The following BAK1 variants were observed in gnomAD, a reference collection of about 807,000 sequenced individuals.
BAK1 encodes the protein bcl-2 homologous antagonist/killer.
BAK1 carries 19 observed loss-of-function variants against 24.7 expected under a neutral mutation model. The observed-to-expected ratio is 0.77, with a 90% CI of 0.54 to 1.13. The LOEUF is 1.13. BAK1 is among the 50% of genes most tolerant of loss of function. The pLI, the probability that BAK1 is intolerant of heterozygous loss-of-function variation, is 0.00. For synonymous variants in BAK1, 86 were observed against 107.3 expected, an observed-to-expected ratio of 0.80 and a Z score of 1.23; for missense variants, 194 against 279.4, an observed-to-expected ratio of 0.69 and a Z score of 2.18.
intron 5 of BAK1, 35 bp from the exon 6 acceptor site, chr6:33,573,942 A>G (rs513349): frequency 0.44 from 708,309 of 1,613,490 alleles, 166,392 homozygotes; most frequent in South Asian, 0.73. Context: ...CAGAGAGGCT[A>G]GCAGAAGATA....
rs1762879504 is a variant in BAK1 at position 33,578,328 on chromosome 6, G to A, written c.-31-693C>T. Among the ~76,000 whole-genome samples the A allele has an allele frequency of 6.6e-6, 1 of 152,204 alleles. No homozygotes were observed. Among genetic ancestry groups the A allele is most frequent in the South Asian group, 2.1e-4 (1 of 4,830 alleles). On this transcript the variant is annotated intron_variant, in intron 1 of 5. Transcript: ENST00000374467. The surrounding 1 kb of genome is among the most constrained non-coding windows in gnomAD (Gnocchi z 4.8). ...TGGAAACTCACATGAACCCAGCAGG[G>A]TGAGCGCCATCATACCCACTTTACA...
chr6:33,574,639 T>G, intron 4 of BAK1: 9 of 877,708 alleles, frequency 1.0e-5, no homozygotes, highest in Non-Finnish European at 1.5e-5. Context: ...ATTTCAGCTC[T>G]GAGCACTAAT....
At position 33,578,456 on chromosome 6, in the gene BAK1, C is replaced by G. The variant is rs544216832; in HGVS notation, c.-31-821G>C. 1.3e-5 allele frequency among the ~76,000 whole-genome samples: 2 copies of G among 152,210 alleles called. No individual in the cohort carries two copies. The highest frequency in any genetic ancestry group is 2.9e-5 in the Non-Finnish European group (2 of 68,030). ...AATCTCCGTGAGTCCATGTACTCAACACGCATGCAAGATTTCTTTTCCAGT... is the reference window on the plus strand; with the variant it reads ...AATCTCCGTGAGTCCATGTACTCAAGACGCATGCAAGATTTCTTTTCCAGT... On this transcript the variant is annotated intron_variant, in intron 1 of 5. Transcript: ENST00000374467. This position sits in a 1 kb window ranked among gnomAD's most constrained non-coding sequence, Gnocchi z 4.8.
rs1762805110 is a variant in BAK1, at chr6:33,574,130, A to G, written c.435T>C (p.His145=). The G allele has an allele frequency of 6.2e-7, 1 of 1,614,082 alleles. No individual in the cohort carries two copies. The highest frequency in any genetic ancestry group is 8.5e-7 in the Non-Finnish European group (1 of 1,180,030). ...GYRLALHVYQ[H]GLTGFLGQVT... is the part of the protein sequence containing the mutation. ...CCTGGCCTAGGAAGCCAGTCAGGCC[A>G]TGCTGGTAGACGTGTAGGGCCAGAC... is the stretch of plus-strand genomic sequence containing the variant. The change falls in exon 5 of 6, where the codon CAT becomes CAC. Residue 145 remains histidine (H), a synonymous_variant. Transcript: ENST00000374467.
Position 33,577,447 on chromosome 6 carries a change from C to T in BAK1, c.70+88G>A, listed in dbSNP as rs1025527494. On this transcript the variant is annotated intron_variant, in intron 2 of 5. Transcript: ENST00000374467. This position sits in a 1 kb window ranked among gnomAD's most constrained non-coding sequence, Gnocchi z 4.6. Reference sequence around the variant, plus strand: ...CCCACCCACAGTGGGTGAACCGAGGCGAAGGAGCCTGCCTGAGTCCTGCTC... The same window carrying T: ...CCCACCCACAGTGGGTGAACCGAGGTGAAGGAGCCTGCCTGAGTCCTGCTC... 21 of 1,279,330 alleles carry T rather than the reference C, an allele frequency of 1.6e-5. No homozygotes were observed. The African/African-American group carries it at 2.0e-4, about 12-fold the overall frequency. 79.2% of individuals were successfully genotyped at this position (1,279,330 alleles called of 1,614,324 possible).
At position 33,578,621 on chromosome 6, in the gene BAK1, C is replaced by T. The variant is rs762539567; in HGVS notation, c.-31-986G>A. On this transcript the variant is annotated intron_variant, in intron 1 of 5. Coordinates refer to ENST00000374467, the MANE Select transcript of BAK1 (RefSeq NM_001188.4). The surrounding 1 kb of genome is among the most constrained non-coding windows in gnomAD (Gnocchi z 4.8). ...TTCTTTGAAGCCCCATAACCTGCCT[C>T]GTACTCCCACCACACACCTGGTCTT... Among the ~76,000 whole-genome samples the T allele has an allele frequency of 3.9e-5, 6 of 152,178 alleles. No homozygotes were observed. Among genetic ancestry groups the T allele is most frequent in the Non-Finnish European group, 8.8e-5 (6 of 68,042 alleles).
rs946299986 is a variant in BAK1, at chr6:33,578,835, G to T, written c.-32+1190C>A. Among the ~76,000 whole-genome samples, 1 of 152,156 alleles carries T rather than the reference G, an allele frequency of 6.6e-6. No homozygotes were observed. The highest frequency in any genetic ancestry group is 2.4e-5 in the African/African-American group (1 of 41,432). On this transcript the variant is annotated intron_variant, in intron 1 of 5. Transcript: ENST00000374467. This position sits in a 1 kb window ranked among gnomAD's most constrained non-coding sequence, Gnocchi z 4.8. The stretch of plus-strand genomic sequence containing the variant: ...GAGAGCGCCCTCCTCCTATCCCAGA[G>T]GGAGGGGGTGTGCAGCCCCACCCTG...
chr6:33,576,765 T>C (rs563105345), intron 2 of BAK1, among the ~76,000 whole-genome samples: 11 of 151,754 alleles, frequency 7.2e-5, no homozygotes, highest in South Asian at 2.1e-4. Context: ...GGCACTTGCA[T>C]TGAGTCCTCA....
In BAK1 at chr6:33,574,331, G is replaced by A. The variant is rs1582064965; in HGVS notation, c.351-117C>T. On this transcript the variant is annotated intron_variant, in intron 4 of 5. Transcript: ENST00000374467. ...CTAAATAGCTTAGCTGTGAATTAAG[G>A]CCGCAGAGGCTGCCCCAACCTGGCC... is the stretch of plus-strand genomic sequence containing the variant. 2.1e-6 allele frequency: 3 copies of A among 1,450,564 alleles called. No homozygotes were observed. The Admixed American group carries it at 6.1e-5, about 30-fold the overall frequency. The allele number at this position is 1,450,564 out of a possible 1,614,324, so 89.9% of individuals were successfully genotyped here.
At chr6:33,574,456 CAGAG>C in intron 4 of BAK1, 1 of 1,498,302 alleles carries the variant, frequency 6.7e-7, no homozygotes, top group Non-Finnish European at 8.9e-7. Context: ...CAACGGGGCA[CAGAG>C]AGGGCAGAGG....
intron 2 of BAK1, among the ~76,000 whole-genome samples, chr6:33,576,727 G>A (rs529629576): frequency 2.6e-5 from 4 of 151,414 alleles, no homozygotes; most frequent in Admixed American, 2.0e-4. Flanking sequence ...GCCGCCCCTA[G>A]AGCTTATGCT....
At chr6:33,574,805 G>T (rs1351406087) in intron 4 of BAK1, among the ~76,000 whole-genome samples, 1 of 152,202 alleles carries the variant, frequency 6.6e-6, no homozygotes, top group Admixed American at 6.5e-5. Flanking sequence ...GAGACTAAGG[G>T]CTAGGAAGCT....
At position 33,575,989 on chromosome 6, in the gene BAK1, T is replaced by C. The variant is rs1027751269; in HGVS notation, c.71-61A>G. 9.3e-6 allele frequency: 15 copies of C among 1,604,736 alleles called. No homozygotes were observed. Among genetic ancestry groups the C allele is most frequent in the Admixed American group, 1.7e-5 (1 of 59,206 alleles). On this transcript the variant is annotated intron_variant, in intron 2 of 5. Coordinates refer to ENST00000374467, the MANE Select transcript of BAK1 (RefSeq NM_001188.4). The surrounding 1 kb of genome is among the most constrained non-coding windows in gnomAD (Gnocchi z 6.3). ...CGAACCCTGGCAGCCCCATGCCTTA[T>C]AGGGGATTCACTCTTCCTAAGGCCA...
chr6:33,575,138 G>GAA lies in BAK1; in HGVS notation c.350+158_350+159dup, dbSNP rs1450927630. The GAA allele has an allele frequency of 8.8e-7, 1 of 1,138,436 alleles. No homozygotes were observed. The highest frequency in any genetic ancestry group is 2.0e-5 in the Admixed American group (1 of 50,630). The allele number at this position is 1,138,436 out of a possible 1,614,324, so 70.5% of individuals were successfully genotyped here. A position where few individuals can be genotyped will look rare whatever the true frequency, so the allele number is the denominator to read the frequency against. On this transcript the variant is annotated intron_variant, in intron 4 of 5. Coordinates refer to ENST00000374467, the MANE Select transcript of BAK1 (RefSeq NM_001188.4). The surrounding 1 kb of genome is among the most constrained non-coding windows in gnomAD (Gnocchi z 6.3). The stretch of plus-strand genomic sequence containing the variant: ...AATACAAGTCTGGGACCCCGAAAGA[G>GAA]AAAAATAGGGGGCCGAGACCACATG...
At position 33,575,583 on chromosome 6, in the gene BAK1, T is replaced by C. The variant is rs971120269; in HGVS notation, c.207-142A>G. The C allele has an allele frequency of 5.2e-5, 69 of 1,318,194 alleles. 1 individual carries two copies. The highest frequency in any genetic ancestry group is 4.1e-5 in the Admixed American group (2 of 49,194). 81.7% of individuals were successfully genotyped at this position (1,318,194 alleles called of 1,614,324 possible). A position where few individuals can be genotyped will look rare whatever the true frequency, so the allele number is the denominator to read the frequency against. ...AGGTCCCTGACAGTGTTCTAAGACA[T>C]GAGTGCTGGGCTCCAGGAGAAGGGG... On this transcript the variant is annotated intron_variant, in intron 3 of 5. Coordinates refer to ENST00000374467, the MANE Select transcript of BAK1 (RefSeq NM_001188.4). This position sits in a 1 kb window ranked among gnomAD's most constrained non-coding sequence, Gnocchi z 6.3.
Position 33,577,470 on chromosome 6 carries a change from C to A in BAK1, c.70+65G>T. The A allele has an allele frequency of 7.0e-7, 1 of 1,431,756 alleles. No individual in the cohort carries two copies. 88.7% of individuals were successfully genotyped at this position (1,431,756 alleles called of 1,614,324 possible). Reference sequence around the variant, plus strand: ...GGCGAAGGAGCCTGCCTGAGTCCTGCTCCTTCCATCCTCACGACAGCACTC... The same window carrying A: ...GGCGAAGGAGCCTGCCTGAGTCCTGATCCTTCCATCCTCACGACAGCACTC... On this transcript the variant is annotated intron_variant, in intron 2 of 5. Coordinates refer to ENST00000374467, the MANE Select transcript of BAK1 (RefSeq NM_001188.4). The surrounding 1 kb of genome is among the most constrained non-coding windows in gnomAD (Gnocchi z 4.6).
At chr6:33,574,255 A>G (rs369663629) in intron 4 of BAK1, 41 bp from the exon 5 acceptor site, 10 of 1,596,060 alleles carry the variant, frequency 6.3e-6, no homozygotes, top group Non-Finnish European at 8.6e-6. Context: ...GAGAGCCCCC[A>G]GGAAGCCCTT....
At chr6:33,579,549 C>A (rs5745575) in intron 1 of BAK1, among the ~76,000 whole-genome samples, 140 of 152,280 alleles carry the variant, frequency 9.2e-4, no homozygotes, top group Admixed American at 1.3e-3. Context: ...CCACCAAGGC[C>A]AGCAACCTAT....
Position 33,572,579 on chromosome 6 carries a change from A to G in BAK1, c.*1224T>C, listed in dbSNP as rs1343539109. 1 of 152,382 alleles carries G rather than the reference A, an allele frequency of 6.6e-6. No homozygotes were observed. The highest frequency in any genetic ancestry group is 1.5e-5 in the Non-Finnish European group (1 of 68,004). The allele number at this position is 152,382 out of a possible 1,614,324, so 9.4% of individuals were successfully genotyped here. ...AGGGGATTGCACAGTTTATTTCCAAACACTCAGAGGATAGGGGGTGGCCTA... is the reference window on the plus strand; with the variant it reads ...AGGGGATTGCACAGTTTATTTCCAAGCACTCAGAGGATAGGGGGTGGCCTA... On this transcript the variant is annotated 3_prime_UTR_variant, in exon 6 of 6. Coordinates refer to ENST00000374467, the MANE Select transcript of BAK1 (RefSeq NM_001188.4).
Sources: gnomAD v4.1 joint callset for allele counts (sites outside exome capture counted in the v4.1 genomes callset) on GRCh38, gnomAD v4.1.1 for gene constraint, Gnocchi (gnomAD v3.1) non-coding constraint, MANE v1.5 for transcripts, NCBI Gene and HGNC (gene_info 2026-07-23, HGNC 2026-07-21) for gene names.